The following EFHB variants were observed in gnomAD, a reference collection of about 807,000 sequenced individuals.
The protein encoded by EFHB is EF-hand domain family member B, also known as EF-hand domain-containing family member B.
A neutral mutation model predicts 87.2 loss-of-function variants in EFHB; 91 were observed. The ratio of observed to expected loss-of-function variants is 1.04; its 90% confidence interval spans 0.88 to 1.24. The LOEUF (loss-of-function observed/expected upper bound fraction) is 1.24, where lower values mean the gene tolerates loss of function less well. EFHB is among the 50% of genes most tolerant of loss of function. The pLI is 0.00. For synonymous variants in EFHB, 325 were observed against 333.6 expected (o/e 0.97, Z 0.28); for missense variants, 1,084 against 998.8 (o/e 1.09, Z -1.15).
chr3:19,904,960 G>A (rs1209036023), intron 6 of EFHB, among the ~76,000 whole-genome samples: 2 of 152,052 alleles, frequency 1.3e-5, no homozygotes, highest in Non-Finnish European at 2.9e-5. Flanking sequence ...ATATAACGCA[G>A]GAAATGAAAA....
intron 10 of EFHB, among the ~76,000 whole-genome samples, chr3:19,888,085 T>C (rs1440425603): frequency 6.6e-6 from 1 of 152,186 alleles, no homozygotes; most frequent in Non-Finnish European, 1.5e-5. Flanking sequence ...TAAATATTAT[T>C]GATTCTTTCC....
At chr3:19,945,456 TTAGA>T (rs1290698055) in intron 1 of EFHB, among the ~76,000 whole-genome samples, 3 of 152,158 alleles carry the variant, frequency 2.0e-5, no homozygotes, top group Non-Finnish European at 4.4e-5. Context: ...AATTTGGGGA[TTAGA>T]TAATTTGTTG....
At chr3:19,916,001 T>C (rs1695218093) in intron 4 of EFHB, among the ~76,000 whole-genome samples, 1 of 152,038 alleles carries the variant, frequency 6.6e-6, no homozygotes, top group African/African-American at 2.4e-5. Context: ...TATTATCAGT[T>C]AACTGTTTAG....
chr3:19,906,554 G>A (rs1694849221), intron 5 of EFHB, among the ~76,000 whole-genome samples: 1 of 152,098 alleles, frequency 6.6e-6, no homozygotes, highest in Non-Finnish European at 1.5e-5. Flanking sequence ...AGAAATTGAA[G>A]AGGACACAAA....
At chr3:19,901,658 T>C (rs945051049) in intron 6 of EFHB, among the ~76,000 whole-genome samples, 4 of 152,098 alleles carry the variant, frequency 2.6e-5, no homozygotes, top group African/African-American at 9.7e-5. Flanking sequence ...AATCTAAAAA[T>C]CAGCTCCAGG....
chr3:19,898,949 T>C, intron 7 of EFHB, 104 bp from the exon 8 acceptor site: 1 of 1,113,032 alleles, frequency 9.0e-7, no homozygotes, highest in Non-Finnish European at 1.3e-6. Flanking sequence ...TTTTATCTCA[T>C]AACCAAACTA....
upstream of EFHB, chr3:19,936,029 A>AAAT: frequency 8.7e-7 from 1 of 1,142,870 alleles, no homozygotes; most frequent in Non-Finnish European, 1.1e-6. Flanking sequence ...AAAAAAAAAA[A>AAAT]GCAAAACAGA....
At chr3:19,938,631 C>A (rs1696076957), upstream of EFHB, among the ~76,000 whole-genome samples, 1 of 152,200 alleles carries the variant, frequency 6.6e-6, no homozygotes, top group South Asian at 2.1e-4. Flanking sequence ...GGTATCTTCA[C>A]AGTCACAGAC....
At chr3:19,925,944 T>C (rs1695608723) in intron 1 of EFHB, among the ~76,000 whole-genome samples, 1 of 152,174 alleles carries the variant, frequency 6.6e-6, no homozygotes, top group South Asian at 2.1e-4. Flanking sequence ...ATGGTACCCA[T>C]TCCCTTTCTG....
chr3:19,905,805 G>T (rs1254239410), intron 5 of EFHB, 56 bp from the exon 6 acceptor site: 54 of 1,528,674 alleles, frequency 3.5e-5, no homozygotes, highest in Non-Finnish European at 4.4e-5. Flanking sequence ...ACCTTATCAT[G>T]CAAGATGCAC....
At chr3:19,884,287 T>C (rs975741627) in intron 11 of EFHB, 116 bp downstream of exon 11, 2 of 965,200 alleles carry the variant, frequency 2.1e-6, no homozygotes, top group South Asian at 3.6e-5. Flanking sequence ...ATGAATTAAA[T>C]GCAAGGTACA....
intron 9 of EFHB, among the ~76,000 whole-genome samples, chr3:19,889,575 C>T (rs1375755141): frequency 1.3e-5 from 2 of 152,146 alleles, no homozygotes; most frequent in African/African-American, 2.4e-5. Flanking sequence ...CCCTGGAGAA[C>T]GAGAAACTGA....
At chr3:19,938,817 C>T (rs527730384), upstream of EFHB, among the ~76,000 whole-genome samples, 29 of 152,306 alleles carry the variant, frequency 1.9e-4, no homozygotes, top group Non-Finnish European at 2.6e-4. Flanking sequence ...TTATCCCTGA[C>T]GCTTGCCACC....
chr3:19,942,664 A>G (rs1465692651), intron 1 of EFHB, among the ~76,000 whole-genome samples: 1 of 152,162 alleles, frequency 6.6e-6, no homozygotes, highest in Non-Finnish European at 1.5e-5. Flanking sequence ...TCCTGCCACT[A>G]GACGGTCCCA....
intron 9 of EFHB, 150 bp downstream of exon 9, chr3:19,896,537 G>A (rs758102909): frequency 3.9e-6 from 4 of 1,032,228 alleles, no homozygotes; most frequent in African/African-American, 1.6e-5. Context: ...CAACACAGGC[G>A]TGATTGTGTT....
upstream of EFHB, among the ~76,000 whole-genome samples, chr3:19,935,078 T>G (rs1695979349): frequency 6.6e-6 from 1 of 152,134 alleles, no homozygotes; most frequent in Non-Finnish European, 1.5e-5. Context: ...GCTAGGCTAA[T>G]TTTTGTATCT....
chr3:19,926,555 G>A (rs1049208875), intron 1 of EFHB, among the ~76,000 whole-genome samples: 2 of 151,982 alleles, frequency 1.3e-5, no homozygotes, highest in Non-Finnish European at 2.9e-5. Context: ...AGTAGAGACG[G>A]GGCTTCACTG....
exon 1 of EFHB, chr3:19,946,936 G>C (rs1468206302): frequency 3.3e-5 from 5 of 152,546 alleles, no homozygotes; most frequent in Admixed American, 1.3e-4. Flanking sequence ...GGGGGAAGGG[G>C]AGAAAGGCGG....
chr3:19,933,589 T>G lies in EFHB; in HGVS notation c.430A>C (p.Arg144=), dbSNP rs756355116. ...TCAGGGCCACTAGCCAAAGGAGCTC[T>G]CCTGCTCCCTGCAGCCTGTGAACTT... The part of the protein sequence containing the change: ...CGSSQAAGSR[R]APLASGPEGV... Residue 144 remains arginine, a synonymous_variant, in exon 1 of 13, where the codon AGA becomes CGA. Coordinates refer to ENST00000295824, the MANE Select transcript of EFHB (RefSeq NM_144715.4). 32 of 1,614,020 alleles carry G rather than the reference T, an allele frequency of 2.0e-5. No individual in the cohort carries two copies. In the East Asian group the frequency reaches 7.1e-4, roughly 36 times the overall value.
Sources: gnomAD v4.1 joint callset for allele counts (sites outside exome capture counted in the v4.1 genomes callset) on GRCh38, gnomAD v4.1.1 for gene constraint, MANE v1.5 for transcripts, NCBI Gene and HGNC (gene_info 2026-07-23, HGNC 2026-07-21) for gene names.